Variants in LGR6 observed in about 807,000 individuals in gnomAD.
The protein encoded by LGR6 is leucine-rich repeat-containing G protein-coupled receptor 6.
LGR6 carries 45 observed loss-of-function variants against 69.4 expected under a neutral mutation model. That is an observed-to-expected ratio of 0.65 (90% CI 0.51 to 0.83). The LOEUF is 0.83. Ranked by LOEUF, LGR6 falls within the 40% of genes least tolerant of loss-of-function variation. LGR6 has a pLI of 0.00. For missense variants in LGR6, 1,108 were observed against 1,246.7 expected, an observed-to-expected ratio of 0.89 and a Z score of 1.68; for synonymous variants, 538 against 555.0, an observed-to-expected ratio of 0.97 and a Z score of 0.43.
chr1:202,223,840 A>G (rs1660325093), intron 1 of LGR6, among the ~76,000 whole-genome samples: 2 of 1,732 alleles, frequency 1.2e-3, no homozygotes, highest in Admixed American at 7.6e-3. Flanking sequence ...CCAGCCCCAC[A>G]GGCCTGTGAA....
intron 4 of LGR6, among the ~76,000 whole-genome samples, chr1:202,271,527 C>T (rs1373544254): frequency 6.6e-6 from 1 of 152,112 alleles, no homozygotes; most frequent in African/African-American, 2.4e-5. Context: ...ACAGGGGAGG[C>T]TGGGCGCGGT....
intron 1 of LGR6, among the ~76,000 whole-genome samples, chr1:202,208,326 C>T (rs1014537622): frequency 7.9e-5 from 12 of 151,920 alleles, no homozygotes; most frequent in Admixed American, 3.3e-4. Flanking sequence ...GTGAGAGTTC[C>T]TGACCCCAGG....
intron 3 of LGR6, among the ~76,000 whole-genome samples, chr1:202,230,341 C>T (rs2147972477): frequency 6.6e-6 from 1 of 152,218 alleles, no homozygotes; most frequent in Non-Finnish European, 1.5e-5. Context: ...AGTCTTCAAC[C>T]CACAGGCTCT....
intron 1 of LGR6, among the ~76,000 whole-genome samples, chr1:202,224,760 C>T (rs2993436): frequency 0.39 from 59,939 of 151,822 alleles, 12,698 homozygotes; most frequent in East Asian, 0.71. Flanking sequence ...GCCTGCTCAC[C>T]TCCCTCTCTA....
At chr1:202,226,327 C>T (rs1245730228) in intron 2 of LGR6, among the ~76,000 whole-genome samples, 3 of 152,166 alleles carry the variant, frequency 2.0e-5, no homozygotes, top group Non-Finnish European at 2.9e-5. Flanking sequence ...AGAAATTTTG[C>T]TTAAACTTCT....
chr1:202,262,935 CTTTTATTTTA>C (rs58749601), intron 4 of LGR6, among the ~76,000 whole-genome samples: 74,814 of 146,746 alleles, frequency 0.51, 21,167 homozygotes, highest in East Asian at 0.72. Context: ...TGAAACTTGC[CTTTTATTTTA>C]TTTTATTTTA....
At chr1:202,228,657 T>C (rs1378356605) in intron 3 of LGR6, among the ~76,000 whole-genome samples, 1 of 152,190 alleles carries the variant, frequency 6.6e-6, no homozygotes, top group African/African-American at 2.4e-5. Flanking sequence ...CCTCAACTCA[T>C]GACTCACCTT....
chr1:202,197,467 A>G (rs1658686336), intron 1 of LGR6: 1 of 533,370 alleles, frequency 1.9e-6, no homozygotes, highest in Admixed American at 1.9e-5. Flanking sequence ...AGGCTCATTG[A>G]CACTCACCGG....
At chr1:202,209,298 A>G (rs1425229615) in intron 1 of LGR6, among the ~76,000 whole-genome samples, 1 of 152,152 alleles carries the variant, frequency 6.6e-6, no homozygotes, top group Non-Finnish European at 1.5e-5. Context: ...CACACCTGCC[A>G]TCCCCAGGGA....
chr1:202,258,973 T>C (rs1429264882), intron 4 of LGR6, among the ~76,000 whole-genome samples: 1 of 152,080 alleles, frequency 6.6e-6, no homozygotes, highest in Admixed American at 6.5e-5. Flanking sequence ...TATTTCTCTG[T>C]GTCAATATTT....
intron 16 of LGR6, among the ~76,000 whole-genome samples, chr1:202,310,717 A>G (rs1248866774): frequency 1.3e-5 from 2 of 152,150 alleles, no homozygotes; most frequent in Non-Finnish European, 2.9e-5. Context: ...CTCAGAGAAG[A>G]CAGACCCCTT....
chr1:202,307,457 C>T (rs1439183228), intron 14 of LGR6, 56 bp downstream of exon 14: 1 of 1,548,448 alleles, frequency 6.5e-7, no homozygotes, highest in Non-Finnish European at 8.9e-7. Context: ...GGACTATGGG[C>T]TGGCCAATGG....
intron 5 of LGR6, among the ~76,000 whole-genome samples, chr1:202,280,027 A>T (rs2148178690): frequency 6.6e-6 from 1 of 152,278 alleles, no homozygotes; most frequent in Non-Finnish European, 1.5e-5. Context: ...CTTTTCTTCT[A>T]GGCTTAAAAC....
intron 1 of LGR6, among the ~76,000 whole-genome samples, chr1:202,217,902 G>T (rs1268848166): frequency 6.6e-6 from 1 of 152,214 alleles, no homozygotes; most frequent in African/African-American, 2.4e-5. Flanking sequence ...TCTTATGTGT[G>T]TGTGAAGATA....
At position 202,304,650 on chromosome 1, in the gene LGR6, C is replaced by T; in HGVS notation, c.1070+20C>T. 6.3e-7 allele frequency: 1 copy of T among 1,596,204 alleles called. No individual in the cohort carries two copies. Among genetic ancestry groups the T allele is most frequent in the Non-Finnish European group, 8.6e-7 (1 of 1,165,168 alleles). ...AGTCCTGTGAGTGCTCACAAGAATT[C>T]TACAGTCTTGGCATTGTGCCCCTAC... On this transcript the variant is annotated intron_variant, in intron 11 of 17. Transcript: ENST00000367278.
chr1:202,253,795 ATTTTTTTTTT>A (rs71141469), intron 4 of LGR6, among the ~76,000 whole-genome samples: 2 of 47,960 alleles, frequency 4.2e-5, no homozygotes, highest in Non-Finnish European at 7.9e-5. Flanking sequence ...CGCCTGGCTA[ATTTTTTTTTT>A]TTTTTTTTTT....
At chr1:202,254,545 C>T (rs1663593039) in intron 4 of LGR6, among the ~76,000 whole-genome samples, 1 of 152,220 alleles carries the variant, frequency 6.6e-6, no homozygotes, top group Non-Finnish European at 1.5e-5. Flanking sequence ...TTGCATTCTG[C>T]AGATCTGTGT....
intron 1 of LGR6, among the ~76,000 whole-genome samples, chr1:202,211,717 A>T (rs983805411): frequency 2.0e-4 from 31 of 152,200 alleles, no homozygotes; most frequent in African/African-American, 6.8e-4. Flanking sequence ...CGTACATATC[A>T]TAAGTGTATA....
chr1:202,230,078 T>G (rs2147971067), intron 3 of LGR6, among the ~76,000 whole-genome samples: 1 of 152,338 alleles, frequency 6.6e-6, no homozygotes. Flanking sequence ...CAGTCTTCTC[T>G]GGGCCTGGGA....
Sources: allele counts gnomAD v4.1 joint callset (sites outside exome capture counted in the v4.1 genomes callset), GRCh38; gene constraint gnomAD v4.1.1; transcripts MANE v1.5; gene names NCBI Gene and HGNC (gene_info 2026-07-23, HGNC 2026-07-21).